MLLT3: variants seen among roughly 807,000 people sequenced by gnomAD.
MLLT3 encodes the protein MLLT3 super elongation complex subunit.
MLLT3 carries 4 observed loss-of-function variants against 53.2 expected under a neutral mutation model. That is an observed-to-expected ratio of 0.08 (90% CI 0.04 to 0.17). The LOEUF (loss-of-function observed/expected upper bound fraction) is 0.17. Among genes scored for constraint, MLLT3 ranks in the 10% least tolerant of loss-of-function variants. MLLT3 has a pLI of 1.00. For synonymous variants in MLLT3, 283 were observed against 230.6 expected (o/e 1.23, Z -2.06); for missense variants, 569 against 684.0 (o/e 0.83, Z 1.87).
chr9:20,468,259 C>T (rs1262286761), intron 2 of MLLT3, among the ~76,000 whole-genome samples: 27 of 152,240 alleles, frequency 1.8e-4, no homozygotes, highest in Non-Finnish European at 2.9e-5. Flanking sequence ...CTTCTTCCCC[C>T]AAACAGTGAA....
At chr9:20,542,592 T>C (rs1194851222) in intron 2 of MLLT3, among the ~76,000 whole-genome samples, 1 of 152,100 alleles carries the variant, frequency 6.6e-6, no homozygotes, top group Non-Finnish European at 1.5e-5. Context: ...GGCTCAACAG[T>C]GGGTTTAAAC....
Position 20,343,183 on chromosome 9 carries a change from CAAAAAAA to C in MLLT3, c.*3253_*3259del, listed in dbSNP as rs71334526. Reference sequence around the variant, plus strand: ...TAGGTGGGCCTGTAAAAGATATCGGCAAAAAAAAAAAAAAAAAAAAAAAAAAAAAAAT... The same window carrying C: ...TAGGTGGGCCTGTAAAAGATATCGGCAAAAAAAAAAAAAAAAAAAAAAAAT... On this transcript the variant is annotated 3_prime_UTR_variant, in exon 11 of 11. Transcript: ENST00000380338. The C allele has an allele frequency of 1.1e-3, 43 of 40,344 alleles. No individual in the cohort carries two copies. Among genetic ancestry groups the C allele is most frequent in the South Asian group, 6.0e-3 (5 of 830 alleles). The allele number at this position is 40,344 out of a possible 1,614,324, so 2.5% of individuals were successfully genotyped here.
chr9:20,506,848 T>C (rs1345120918), intron 2 of MLLT3, among the ~76,000 whole-genome samples: 5 of 152,214 alleles, frequency 3.3e-5, no homozygotes, highest in Non-Finnish European at 7.3e-5. Flanking sequence ...TGGAAGCTGT[T>C]AGAACTGCAT....
At chr9:20,542,406 G>A (rs941720375) in intron 2 of MLLT3, among the ~76,000 whole-genome samples, 6 of 151,816 alleles carry the variant, frequency 4.0e-5, no homozygotes, top group African/African-American at 7.3e-5. Context: ...GCCCGCCACC[G>A]CGCCCGGCTA....
chr9:20,558,663 G>C (rs762082894), intron 2 of MLLT3, among the ~76,000 whole-genome samples: 2 of 152,180 alleles, frequency 1.3e-5, no homozygotes, highest in African/African-American at 4.8e-5. Flanking sequence ...GTCTGGGGTA[G>C]AGATCAAGAA....
chr9:20,431,422 A>C (rs1463776700), intron 4 of MLLT3, among the ~76,000 whole-genome samples: 1 of 152,134 alleles, frequency 6.6e-6, no homozygotes, highest in Non-Finnish European at 1.5e-5. Flanking sequence ...TTCAAACAGA[A>C]CTGGTTTAGG....
In MLLT3 at chr9:20,621,259, C is replaced by T. The variant is rs1820998964; in HGVS notation, c.13-425G>A. Among the ~76,000 whole-genome samples the T allele has an allele frequency of 6.6e-6, 1 of 152,172 alleles. No homozygotes were observed. The highest frequency in any genetic ancestry group is 1.5e-5 in the Non-Finnish European group (1 of 68,018). On this transcript the variant is annotated intron_variant, in intron 1 of 10. Transcript: ENST00000380338. This position sits in a 1 kb window ranked among gnomAD's most constrained non-coding sequence, Gnocchi z 7.0. Reference sequence around the variant, plus strand: ...GGACCGAAGGGCTCCTGGCGAGCCCCCTCCCCGAAAGTACCGCGGCGACAG... The same window carrying T: ...GGACCGAAGGGCTCCTGGCGAGCCCTCTCCCCGAAAGTACCGCGGCGACAG...
chr9:20,453,448 A>T (rs552704863), intron 3 of MLLT3, among the ~76,000 whole-genome samples: 52 of 152,288 alleles, frequency 3.4e-4, no homozygotes, highest in African/African-American at 1.1e-3. Context: ...CTGTGGTCCC[A>T]GCTACTTGGG....
At chr9:20,483,790 G>T (rs1488679451) in intron 2 of MLLT3, among the ~76,000 whole-genome samples, 1 of 141,594 alleles carries the variant, frequency 7.1e-6, no homozygotes, top group Non-Finnish European at 1.5e-5. Context: ...TCACTGCAAG[G>T]TCCGCCTCCC....
At chr9:20,489,566 C>T (rs540044327) in intron 2 of MLLT3, among the ~76,000 whole-genome samples, 4 of 152,246 alleles carry the variant, frequency 2.6e-5, no homozygotes, top group African/African-American at 9.6e-5. Context: ...TTAACAGAAC[C>T]CTTCTATCTG....
intron 2 of MLLT3, among the ~76,000 whole-genome samples, chr9:20,617,014 C>T (rs759606890): frequency 6.6e-6 from 1 of 152,158 alleles, no homozygotes; most frequent in Non-Finnish European, 1.5e-5. Context: ...AACAATTCAG[C>T]TTTTAAGTGC....
chr9:20,375,226 C>T (rs559248468), intron 5 of MLLT3, among the ~76,000 whole-genome samples: 53 of 152,288 alleles, frequency 3.5e-4, no homozygotes, highest in African/African-American at 1.1e-3. Flanking sequence ...CTGAAGCACA[C>T]AGTAAGATTA....
intron 2 of MLLT3, among the ~76,000 whole-genome samples, chr9:20,581,678 C>T (rs1021402573): frequency 3.3e-5 from 5 of 152,166 alleles, no homozygotes; most frequent in African/African-American, 1.2e-4. Flanking sequence ...GTTGATGAAG[C>T]ACCTTAAACT....
intron 2 of MLLT3, among the ~76,000 whole-genome samples, chr9:20,475,307 A>C (rs1361884855): frequency 2.6e-5 from 4 of 152,090 alleles, no homozygotes; most frequent in Admixed American, 6.6e-5. Flanking sequence ...GTATCTCTCA[A>C]TAATTCACCT....
intron 2 of MLLT3, among the ~76,000 whole-genome samples, chr9:20,484,837 G>A (rs1459545595): frequency 6.6e-6 from 1 of 152,030 alleles, no homozygotes; most frequent in East Asian, 1.9e-4. Flanking sequence ...ACATGAACCA[G>A]AGAACAGTAA....
chr9:20,383,429 G>C (rs914916182), intron 5 of MLLT3, among the ~76,000 whole-genome samples: 2 of 151,756 alleles, frequency 1.3e-5, no homozygotes, highest in African/African-American at 4.8e-5. Flanking sequence ...CATCAAACCT[G>C]GTTTGAATCT....
chr9:20,517,411 A>G (rs2118972798), intron 2 of MLLT3, among the ~76,000 whole-genome samples: 1 of 152,154 alleles, frequency 6.6e-6, no homozygotes, highest in South Asian at 2.1e-4. Flanking sequence ...AAAAGGAACC[A>G]AGGTTTTTTA....
intron 2 of MLLT3, among the ~76,000 whole-genome samples, chr9:20,585,495 G>A (rs573677473): frequency 1.3e-5 from 2 of 152,312 alleles, no homozygotes; most frequent in Non-Finnish European, 2.9e-5. Context: ...AAAGAACCGT[G>A]AAACCATCTT....
chr9:20,411,048 C>G (rs1183527307), intron 5 of MLLT3: 1 of 152,192 alleles, frequency 6.6e-6, no homozygotes, highest in Non-Finnish European at 1.5e-5. Flanking sequence ...ATCAGGTCAT[C>G]TAATCACACT....
Sources: gnomAD v4.1 joint callset for allele counts (sites outside exome capture counted in the v4.1 genomes callset) on GRCh38, gnomAD v4.1.1 for gene constraint, Gnocchi (gnomAD v3.1) non-coding constraint, MANE v1.5 for transcripts, NCBI Gene and HGNC (gene_info 2026-07-23, HGNC 2026-07-21) for gene names.